MEF2D: variants seen among roughly 807,000 people sequenced by gnomAD.
The protein encoded by MEF2D is myocyte enhancer factor 2D, also known as myocyte-specific enhancer factor 2D.
A neutral mutation model predicts 59.3 loss-of-function variants in MEF2D; 10 were observed. That is an observed-to-expected ratio of 0.17 (90% CI 0.10 to 0.29). The LOEUF (loss-of-function observed/expected upper bound fraction) is 0.29. Among genes scored for constraint, MEF2D ranks in the 10% least tolerant of loss-of-function variants. The pLI is 1.00. For missense variants in MEF2D, 508 were observed against 699.4 expected (o/e 0.73, Z 3.09); for synonymous variants, 305 against 295.0 (o/e 1.03, Z -0.35).
intron 3 of MEF2D, among the ~76,000 whole-genome samples, chr1:156,481,328 C>T (rs1224641699): frequency 6.6e-6 from 1 of 152,186 alleles, no homozygotes; most frequent in African/African-American, 2.4e-5. Flanking sequence ...GGATCAGTCC[C>T]TGCCCGACCA....
chr1:156,468,043 C>T lies in MEF2D; in HGVS notation c.1504G>A (p.Glu502Lys). The change falls in exon 11 of 12, where the codon GAG becomes AAG. Residue 502 changes from glutamate to lysine, a missense_variant. Physicochemically the swap from Glu to Lys is moderately conservative, Grantham distance 56 (BLOSUM62 1). Transcript: ENST00000348159. This position sits in a 1 kb window ranked among gnomAD's most constrained non-coding sequence, Gnocchi z 4.3. ...PTLGLLRPAP[E>K]PEAEGSAVKR... The stretch of plus-strand genomic sequence containing the variant: ...ACAGCTGAGCCCTCAGCCTCAGGCT[C>T]TGGGGCTGGGCGCAGCAGGCCCAGT... 6.2e-7 allele frequency: 1 copy of T among 1,614,018 alleles called. No individual in the cohort carries two copies. Among genetic ancestry groups the T allele is most frequent in the Non-Finnish European group, 8.5e-7 (1 of 1,179,978 alleles).
At chr1:156,474,983 G>T in intron 9 of MEF2D, 125 bp downstream of exon 9, 1 of 1,374,316 alleles carries the variant, frequency 7.3e-7, no homozygotes, top group Non-Finnish European at 9.9e-7. Context: ...AAGTAGGTGG[G>T]GGTTCCCCCA....
chr1:156,468,741 C>T lies in MEF2D; in HGVS notation c.1247+39G>A, dbSNP rs766127489. ...TCCCTCCTCTTCCCGTTCAATTCTC[C>T]CTTCCCACACACTCACATGCAGTCT... On this transcript the variant is annotated intron_variant, in intron 10 of 11. Coordinates refer to ENST00000348159, the MANE Select transcript of MEF2D (RefSeq NM_005920.4). The surrounding 1 kb of genome is among the most constrained non-coding windows in gnomAD (Gnocchi z 4.3). The T allele has an allele frequency of 1.3e-6, 2 of 1,591,158 alleles. No homozygotes were observed. The highest frequency in any genetic ancestry group is 1.7e-6 in the Non-Finnish European group (2 of 1,162,792).
intron 9 of MEF2D, among the ~76,000 whole-genome samples, chr1:156,469,335 A>G (rs1432092538): frequency 2.0e-5 from 3 of 152,026 alleles, no homozygotes; most frequent in Non-Finnish European, 4.4e-5. Flanking sequence ...TTGGCTCACT[A>G]CAACCTCTGC....
chr1:156,490,710 C>T (rs1300364597), intron 1 of MEF2D: 5 of 152,302 alleles, frequency 3.3e-5, no homozygotes, highest in African/African-American at 1.2e-4. Flanking sequence ...TGAGCCCTCC[C>T]CCTAGCTTCC....
rs372092331 is a variant in MEF2D, at chr1:156,495,762, C to CAAAAAAAAAAAAAAAA, written c.-139+4708_-139+4723dup. On this transcript the variant is annotated intron_variant, in intron 1 of 11. Coordinates refer to ENST00000348159, the MANE Select transcript of MEF2D (RefSeq NM_005920.4). ...GGGTAAAGCTCCTTTGACCAGGGGG[C>CAAAAAAAAAAAAAAAA]AAAAAAAAAAAAAAAAGCTCCCTCT... 2.3e-4 allele frequency among the ~76,000 whole-genome samples: 18 copies of CAAAAAAAAAAAAAAAA among 77,994 alleles called. 2 individuals carry two copies. The highest frequency in any genetic ancestry group is 6.4e-4 in the African/African-American group (12 of 18,666). The allele number at this position is 77,994 out of a possible 152,430, so 51.2% of individuals were successfully genotyped here.
chr1:156,499,098 G>A (rs1673319193), intron 1 of MEF2D, among the ~76,000 whole-genome samples: 1 of 152,102 alleles, frequency 6.6e-6, no homozygotes, highest in Admixed American at 6.5e-5. Flanking sequence ...GCTCCCAAAC[G>A]CCAAAACACC....
chr1:156,476,621 G>C, intron 7 of MEF2D, 107 bp from the exon 8 acceptor site: 1 of 1,406,064 alleles, frequency 7.1e-7, no homozygotes, highest in Non-Finnish European at 9.9e-7. Flanking sequence ...TAAGAGTAGG[G>C]TGGCTCTACC....
chr1:156,480,858 G>C lies in MEF2D; in HGVS notation c.372C>G (p.Leu124=), dbSNP rs771689492. Residue 124 remains leucine, a synonymous_variant, in exon 4 of 12, where the codon CTC becomes CTG. Transcript: ENST00000348159. The part of the protein sequence containing the change: ...EDKYRRASEE[L]DGLFRRYGST... ...CCCCATAGCGCCGGAAGAGCCCGTC[G>C]AGCTCCTCGCTGGCGCGTCGGTACT... is the stretch of plus-strand genomic sequence containing the variant. 6.3e-7 allele frequency: 1 copy of C among 1,599,854 alleles called. No homozygotes were observed. Among genetic ancestry groups the C allele is most frequent in the Non-Finnish European group, 8.5e-7 (1 of 1,173,534 alleles).
chr1:156,479,583 C>T lies in MEF2D; in HGVS notation c.607+3G>A, dbSNP rs1299614362. On this transcript the variant is annotated splice_donor_region_variant and intron_variant, in intron 5 of 11. Transcript: ENST00000348159. ...TCACCTACCCACCTGCCAGCCCACT[C>T]ACCCGCACTAGCTGGCCGCTGGGGC... 1.0e-5 allele frequency: 16 copies of T among 1,550,258 alleles called. No individual in the cohort carries two copies. The highest frequency in any genetic ancestry group is 1.4e-5 in the Non-Finnish European group (16 of 1,147,074).
In MEF2D at chr1:156,479,878, G is replaced by A. The variant is rs957470850; in HGVS notation, c.397-82C>T. On this transcript the variant is annotated intron_variant, in intron 4 of 11. Transcript: ENST00000348159. The stretch of plus-strand genomic sequence containing the variant: ...CACTTTTCCTGGGAGGGCAGGCAAG[G>A]GTTCTTCTCATTTCTGGGCTACGCA... 4 of 1,370,414 alleles carry A rather than the reference G, an allele frequency of 2.9e-6. No individual in the cohort carries two copies. In the African/African-American group the frequency reaches 5.8e-5, roughly 20 times the overall value. 84.9% of individuals were successfully genotyped at this position (1,370,414 alleles called of 1,614,324 possible).
chr1:156,481,439 G>A (rs1346950833), intron 3 of MEF2D, among the ~76,000 whole-genome samples: 1 of 152,148 alleles, frequency 6.6e-6, no homozygotes, highest in East Asian at 1.9e-4. Context: ...GAGAATAGGA[G>A]GAAGAGAGAA....
In MEF2D at chr1:156,468,824, A is replaced by G; in HGVS notation, c.1203T>C (p.Pro401=). 6.2e-7 allele frequency: 1 copy of G among 1,614,142 alleles called. No individual in the cohort carries two copies. Among genetic ancestry groups the G allele is most frequent in the South Asian group, 1.1e-5 (1 of 91,078 alleles). ...CAGGGACCAGGTGGGACTGTTGCTG[A>G]GGTGGCTGTTGCGGCTGCTGAGGCT... ...PQQPQQPQQP[P]QQQSHLVPVS... Residue 401 remains proline (P), a synonymous_variant, in exon 10 of 12, where the codon CCT becomes CCC. Coordinates refer to ENST00000348159, the MANE Select transcript of MEF2D (RefSeq NM_005920.4). This position sits in a 1 kb window ranked among gnomAD's most constrained non-coding sequence, Gnocchi z 4.3.
chr1:156,468,295 C>A lies in MEF2D; in HGVS notation c.1252G>T (p.Gly418Cys). 6.5e-7 allele frequency: 1 copy of A among 1,545,176 alleles called. No homozygotes were observed. Among genetic ancestry groups the A allele is most frequent in the South Asian group, 1.2e-5 (1 of 80,352 alleles). The stretch of plus-strand genomic sequence containing the variant: ...GCACCCACGTGGGGCAGGGGGCTGC[C>A]CGGGCTGGAGGCAGGCAATGGAAAT... ...VPVSLSNLIP[G>C]SPLPHVGAAL... Residue 418 changes from glycine to cysteine, a missense_variant, in exon 11 of 12, where the codon GGC (glycine) becomes TGC (cysteine). Transcript: ENST00000348159. This position sits in a 1 kb window ranked among gnomAD's most constrained non-coding sequence, Gnocchi z 4.3.
Position 156,474,759 on chromosome 1 carries a change from A to AGGAT in MEF2D, c.1006+345_1006+348dup, listed in dbSNP as rs1671455431. 3.9e-5 allele frequency among the ~76,000 whole-genome samples: 6 copies of AGGAT among 152,294 alleles called. No homozygotes were observed. The South Asian group carries it at 1.2e-3, about 32-fold the overall frequency. On this transcript the variant is annotated intron_variant, in intron 9 of 11. Coordinates refer to ENST00000348159, the MANE Select transcript of MEF2D (RefSeq NM_005920.4). ...CAGGAGTTCAAGGCTGTAGTGAGCT[A>AGGAT]GGATGGCACCACTGTACTCCAGTCT...
In MEF2D at chr1:156,468,694, A is replaced by G; in HGVS notation, c.1247+86T>C. The G allele has an allele frequency of 6.5e-7, 1 of 1,549,968 alleles. No individual in the cohort carries two copies. The highest frequency in any genetic ancestry group is 1.8e-5 in the Admixed American group (1 of 56,336). On this transcript the variant is annotated intron_variant, in intron 10 of 11. Coordinates refer to ENST00000348159, the MANE Select transcript of MEF2D (RefSeq NM_005920.4). The surrounding 1 kb of genome is among the most constrained non-coding windows in gnomAD (Gnocchi z 4.3). ...CATAGGATGTCCACTAGAACCCTGC[A>G]GGGAACCCAGCTCCCAAGAGGTCCC...
Position 156,482,401 on chromosome 1 carries a change from G to C in MEF2D, c.258+36C>G, listed in dbSNP as rs368140255. ...GGCACGTGTCCATGTGGATGCAGGCGGGGGTATATCCTGGTGCCTGTGTGT... is the reference window on the plus strand; with the variant it reads ...GGCACGTGTCCATGTGGATGCAGGCCGGGGTATATCCTGGTGCCTGTGTGT... On this transcript the variant is annotated intron_variant, in intron 3 of 11. Transcript: ENST00000348159. 6.9e-4 allele frequency: 1,114 copies of C among 1,608,818 alleles called. 5 individuals carry two copies. Among genetic ancestry groups the C allele is most frequent in the South Asian group, 5.0e-3 (457 of 90,958 alleles).
rs750859249 is a variant in MEF2D, at chr1:156,468,836, CGGCTGCTGA to C, written c.1182_1190del (p.Gln398_Pro400del). The stretch of plus-strand genomic sequence containing the variant: ...GGGACTGTTGCTGAGGTGGCTGTTG[CGGCTGCTGA>C]GGCTGCTGTGGCTGTGGCTGCTGTG... On this transcript the variant is annotated inframe_deletion, in exon 10 of 12. Coordinates refer to ENST00000348159, the MANE Select transcript of MEF2D (RefSeq NM_005920.4). This position sits in a 1 kb window ranked among gnomAD's most constrained non-coding sequence, Gnocchi z 4.3. 7.4e-6 allele frequency: 12 copies of C among 1,614,102 alleles called. No individual in the cohort carries two copies. In the South Asian group the frequency reaches 9.9e-5, roughly 13 times the overall value.
At chr1:156,473,679 C>T (rs1671389007) in intron 9 of MEF2D, among the ~76,000 whole-genome samples, 1 of 152,196 alleles carries the variant, frequency 6.6e-6, no homozygotes, top group Non-Finnish European at 1.5e-5. Flanking sequence ...GTGACACAGG[C>T]CAGGATGGCC....
Sources: gnomAD v4.1 joint callset for allele counts (sites outside exome capture counted in the v4.1 genomes callset) on GRCh38, gnomAD v4.1.1 for gene constraint, Gnocchi (gnomAD v3.1) non-coding constraint, MANE v1.5 for transcripts, NCBI Gene and HGNC (gene_info 2026-07-23, HGNC 2026-07-21) for gene names.